The following FCMR variants were observed in gnomAD, a reference collection of about 807,000 sequenced individuals.
FCMR encodes immunoglobulin mu Fc receptor.
Under a neutral mutation model 41.6 loss-of-function variants are expected in FCMR, and 34 were observed. That is an observed-to-expected ratio of 0.82 (90% CI 0.62 to 1.09). The LOEUF is 1.09. Among genes scored for constraint, FCMR ranks in the 50% least tolerant of loss-of-function variants. FCMR has a pLI of 0.00. For synonymous variants in FCMR, 209 were observed against 211.8 expected, an observed-to-expected ratio of 0.99 and a Z score of 0.12; for missense variants, 496 against 512.5, an observed-to-expected ratio of 0.97 and a Z score of 0.31.
At chr1:206,917,991 T>G (rs1679264685) in intron 1 of FCMR, among the ~76,000 whole-genome samples, 1 of 152,140 alleles carries the variant, frequency 6.6e-6, no homozygotes, top group Admixed American at 6.5e-5. Flanking sequence ...TTATTCTCTT[T>G]CTCAAATCAG....
At chr1:206,907,103 T>TGGGGGGGGGGGGGGGG (rs75679471) in intron 7 of FCMR, among the ~76,000 whole-genome samples, 2 of 43,358 alleles carry the variant, frequency 4.6e-5, no homozygotes, top group Admixed American at 2.3e-4. Context: ...GGTGGGGGGG[T>TGGGGGGGGGGGGGGGG]GGGGGGGGGG....
rs188744533 is a variant in FCMR, at chr1:206,916,040, T to C, written c.38-1946A>G. On this transcript the variant is annotated intron_variant, in intron 1 of 7. Coordinates refer to ENST00000367091, the MANE Select transcript of FCMR (RefSeq NM_005449.5). Reference sequence around the variant, plus strand: ...AGAGGGAGGACGTACAGGAGGACATTGAGATCTAAAAGTGTAGCTGATGTA... The same window carrying C: ...AGAGGGAGGACGTACAGGAGGACATCGAGATCTAAAAGTGTAGCTGATGTA... Among the ~76,000 whole-genome samples the C allele has an allele frequency of 4.6e-5, 7 of 151,998 alleles. No individual in the cohort carries two copies. The East Asian group carries it at 1.4e-3, about 29-fold the overall frequency.
intron 4 of FCMR, among the ~76,000 whole-genome samples, chr1:206,910,576 C>T (rs1309918408): frequency 1.3e-5 from 2 of 152,148 alleles, no homozygotes; most frequent in Non-Finnish European, 1.5e-5. Flanking sequence ...CTCCTAACCT[C>T]TCTGAGCCTT....
chr1:206,909,469 G>C lies in FCMR; in HGVS notation c.1037C>G (p.Pro346Arg). The change falls in exon 7 of 8, where the codon CCG (proline) becomes CGG (arginine). Residue 346 changes from proline to arginine, a missense_variant. Physicochemically the swap from Pro to Arg is moderately radical, Grantham distance 103. Transcript: ENST00000367091. This position sits in a 1 kb window ranked among gnomAD's most constrained non-coding sequence, Gnocchi z 5.0. ...GGCAGGAGCGGAGCTTACCTGCAGC[G>C]GGGCGGGGGGCAACGGCGCTCCGGG... Reference protein sequence around the residue: ...PGPGAPLPPAPLQVSESPWLH... With the variant: ...PGPGAPLPPARLQVSESPWLH... 7.8e-7 allele frequency: 1 copy of C among 1,278,944 alleles called. No individual in the cohort carries two copies. Among genetic ancestry groups the C allele is most frequent in the South Asian group, 2.7e-5 (1 of 37,670 alleles). 79.2% of individuals were successfully genotyped at this position (1,278,944 alleles called of 1,614,324 possible).
intron 1 of FCMR, 32 bp from the exon 2 acceptor site, chr1:206,914,126 C>G (rs765406746): frequency 2.0e-6 from 3 of 1,528,378 alleles, no homozygotes; most frequent in Non-Finnish European, 2.7e-6. Context: ...GCAGAGGGAG[C>G]CCCATCTCTA....
intron 1 of FCMR, among the ~76,000 whole-genome samples, chr1:206,916,266 A>T (rs1679187173): frequency 6.6e-6 from 1 of 152,236 alleles, no homozygotes; most frequent in African/African-American, 2.4e-5. Flanking sequence ...GAAGGTCTGG[A>T]GGAATCACCC....
At chr1:206,912,898 A>G (rs558220717) in intron 3 of FCMR, 31 bp downstream of exon 3, 2 of 1,428,028 alleles carry the variant, frequency 1.4e-6, no homozygotes, top group Admixed American at 1.7e-5. Context: ...CATCTCACCC[A>G]CCTCTCCTAC....
At chr1:206,911,271 C>G (rs1678931099) in intron 4 of FCMR, among the ~76,000 whole-genome samples, 1 of 151,450 alleles carries the variant, frequency 6.6e-6, no homozygotes, top group South Asian at 2.1e-4. Flanking sequence ...ATAATGCTTC[C>G]CCCTAGTGGT....
In FCMR at chr1:206,903,667, A is replaced by T. The variant is rs922126941; in HGVS notation, c.*1352T>A. The T allele has an allele frequency of 6.6e-6, 1 of 151,952 alleles. No homozygotes were observed. Among genetic ancestry groups the T allele is most frequent in the Non-Finnish European group, 1.5e-5 (1 of 67,972 alleles). 9.4% of individuals were successfully genotyped at this position (151,952 alleles called of 1,614,324 possible). ...AGCACAAAGCAGATCCTCAATAAAC[A>T]TTTCATTTCCCACCCACACTCGCCA... On this transcript the variant is annotated 3_prime_UTR_variant, in exon 8 of 8. Transcript: ENST00000367091.
intron 3 of FCMR, among the ~76,000 whole-genome samples, chr1:206,912,340 C>G (rs1170635554): frequency 1.3e-5 from 2 of 152,202 alleles, no homozygotes; most frequent in Non-Finnish European, 1.5e-5. Context: ...TACACTATCC[C>G]TCTTGGCTCT....
chr1:206,921,502 G>T, intron 1 of FCMR: 1 of 461,410 alleles, frequency 2.2e-6, no homozygotes. Context: ...TAGAGAGTCT[G>T]GGGTGGTAGG....
Position 206,909,831 on chromosome 1 carries a change from C to T in FCMR, c.879G>A (p.Met293Ile). The T allele has an allele frequency of 7.1e-7, 1 of 1,400,752 alleles. No homozygotes were observed. The highest frequency in any genetic ancestry group is 9.2e-7 in the Non-Finnish European group (1 of 1,082,474). 86.8% of individuals were successfully genotyped at this position (1,400,752 alleles called of 1,614,324 possible). A position where few individuals can be genotyped will look rare whatever the true frequency, so the allele number is the denominator to read the frequency against. The change falls in exon 6 of 8, where the codon ATG becomes ATA. Residue 293 changes from methionine (M) to isoleucine (I), a missense_variant. Met to Ile is a conservative substitution (Grantham distance 10). Transcript: ENST00000367091. The surrounding 1 kb of genome is among the most constrained non-coding windows in gnomAD (Gnocchi z 5.0). ...SRRARRLAVR[M>I]RALESSQRPR... ...GCCTCTGGGAGCTCTCCAGGGCGCG[C>T]ATCCTCACGGCCAGTCGGCGGGCCC...
In FCMR at chr1:206,904,640, C is replaced by T. The variant is rs1232166840; in HGVS notation, c.*379G>A. ...CTGGGAAGGATGCCCGAGACAATAG[C>T]TATGCCTCTGCCCCAGCCTGATGCC... is the stretch of plus-strand genomic sequence containing the variant. On this transcript the variant is annotated 3_prime_UTR_variant, in exon 8 of 8. Transcript: ENST00000367091. 1 of 241,052 alleles carries T rather than the reference C, an allele frequency of 4.1e-6. No individual in the cohort carries two copies. The highest frequency in any genetic ancestry group is 8.3e-6 in the Non-Finnish European group (1 of 120,394). 14.9% of individuals were successfully genotyped at this position (241,052 alleles called of 1,614,324 possible).
intron 1 of FCMR, among the ~76,000 whole-genome samples, chr1:206,918,132 A>C (rs1206950882): frequency 1.3e-5 from 2 of 152,110 alleles, no homozygotes; most frequent in African/African-American, 4.8e-5. Context: ...TCCTGTTGCC[A>C]CATGTAATGG....
chr1:206,911,682 A>G (rs771037760), intron 4 of FCMR, 48 bp downstream of exon 4: 3 of 1,558,784 alleles, frequency 1.9e-6, no homozygotes, highest in Admixed American at 1.7e-5. Flanking sequence ...GTTTCAGTGG[A>G]TCTCTTAATT....
chr1:206,907,861 G>A, intron 7 of FCMR: 1 of 1,360,876 alleles, frequency 7.3e-7, no homozygotes, highest in Non-Finnish European at 1.0e-6. Context: ...GCATCTTGTG[G>A]CACAAGTACG....
intron 1 of FCMR, among the ~76,000 whole-genome samples, chr1:206,920,395 C>T (rs935284541): frequency 7.5e-5 from 11 of 145,956 alleles, no homozygotes; most frequent in Non-Finnish European, 1.3e-4. Context: ...GCGGAGGTTG[C>T]AGTGTGATGA....
chr1:206,921,055 CT>C (rs1346649077), intron 1 of FCMR, among the ~76,000 whole-genome samples: 1 of 152,092 alleles, frequency 6.6e-6, no homozygotes, highest in Non-Finnish European at 1.5e-5. Flanking sequence ...CATTTCAAAT[CT>C]TGGTGGAATA....
chr1:206,921,072 G>A (rs1295840868), intron 1 of FCMR, among the ~76,000 whole-genome samples: 49 of 152,228 alleles, frequency 3.2e-4, no homozygotes, highest in Admixed American at 3.2e-3. Context: ...GAATATTGAA[G>A]CAGAGGTTGC....
Sources: gnomAD v4.1 joint callset for allele counts (sites outside exome capture counted in the v4.1 genomes callset) on GRCh38, gnomAD v4.1.1 for gene constraint, Gnocchi (gnomAD v3.1) non-coding constraint, MANE v1.5 for transcripts, NCBI Gene and HGNC (gene_info 2026-07-23, HGNC 2026-07-21) for gene names.